The following ACOXL variants were observed in gnomAD, a reference collection of about 807,000 sequenced individuals.
The protein encoded by ACOXL is acyl-CoA oxidase like, also known as acyl-coenzyme A oxidase-like protein.
In ACOXL, 70 loss-of-function variants were observed where a neutral mutation model predicts 71.9. The observed-to-expected ratio is 0.97, with a 90% CI of 0.80 to 1.19. ACOXL has a LOEUF of 1.19. ACOXL is among the 50% of genes most tolerant of loss of function. The pLI is 0.00. For synonymous variants in ACOXL, 253 were observed against 281.6 expected (o/e 0.90, Z 1.02); for missense variants, 703 against 736.3 (o/e 0.95, Z 0.52).
chr2:110,942,607 C>T (rs1189777098), intron 12 of ACOXL, among the ~76,000 whole-genome samples: 1 of 151,960 alleles, frequency 6.6e-6, no homozygotes, highest in Non-Finnish European at 1.5e-5. Flanking sequence ...CTGATGTGGC[C>T]AGGCGCCATG....
At position 110,784,722 on chromosome 2, in the gene ACOXL, A is replaced by G. The variant is rs373206795; in HGVS notation, c.76-10A>G. The G allele has an allele frequency of 1.3e-4, 210 of 1,595,940 alleles. No individual in the cohort carries two copies. Among genetic ancestry groups the G allele is most frequent in the Non-Finnish European group, 1.7e-4 (204 of 1,172,830 alleles). Reference sequence around the variant, plus strand: ...AGGAAACCTTGATACTGAGTCTATCATATTTTCAGGCAGAGAAAACAAAGA... The same window carrying G: ...AGGAAACCTTGATACTGAGTCTATCGTATTTTCAGGCAGAGAAAACAAAGA... On this transcript the variant is annotated splice_polypyrimidine_tract_variant and intron_variant, in intron 2 of 17. Transcript: ENST00000439055.
At chr2:110,839,190 G>A (rs1690833020) in intron 9 of ACOXL, among the ~76,000 whole-genome samples, 2 of 151,622 alleles carry the variant, frequency 1.3e-5, no homozygotes, top group South Asian at 4.2e-4. Context: ...TCCAGCAAGG[G>A]CTTATCTTTC....
chr2:110,867,774 T>G (rs954798325), intron 10 of ACOXL, among the ~76,000 whole-genome samples: 2 of 152,204 alleles, frequency 1.3e-5, no homozygotes, highest in Non-Finnish European at 2.9e-5. Context: ...AAATTGCTTT[T>G]TTTTTTGAGA....
At chr2:110,792,855 A>G (rs1197196043) in intron 3 of ACOXL, among the ~76,000 whole-genome samples, 1 of 152,110 alleles carries the variant, frequency 6.6e-6, no homozygotes, top group African/African-American at 2.4e-5. Context: ...TTGGTGGTTG[A>G]CTCTCACTGA....
intron 10 of ACOXL, among the ~76,000 whole-genome samples, chr2:110,862,374 A>C (rs751091425): frequency 6.6e-6 from 1 of 152,204 alleles, no homozygotes; most frequent in Non-Finnish European, 1.5e-5. Context: ...CCAGCGACTC[A>C]AGGCAGAGGA....
chr2:110,779,787 C>G (rs1027265623), intron 2 of ACOXL, among the ~76,000 whole-genome samples: 1 of 152,226 alleles, frequency 6.6e-6, no homozygotes, highest in Non-Finnish European at 1.5e-5. Flanking sequence ...ATCCCTACCT[C>G]ATGCTACACA....
chr2:111,018,714 G>GGA (rs1553458311), intron 14 of ACOXL, among the ~76,000 whole-genome samples: 1 of 135,006 alleles, frequency 7.4e-6, no homozygotes, highest in Non-Finnish European at 1.5e-5. Context: ...AGGCTGGAGG[G>GGA]GGTGTTGGTG....
intron 1 of ACOXL, among the ~76,000 whole-genome samples, chr2:110,734,835 G>A (rs951772101): frequency 6.6e-6 from 1 of 151,908 alleles, no homozygotes; most frequent in African/African-American, 2.4e-5. Flanking sequence ...AAGGGGTCCA[G>A]TGTGGCAGTT....
At chr2:110,868,202 A>G (rs890318157) in intron 10 of ACOXL, among the ~76,000 whole-genome samples, 2 of 152,246 alleles carry the variant, frequency 1.3e-5, no homozygotes, top group African/African-American at 2.4e-5. Context: ...TCTCAAGTAT[A>G]AATAAAGTGA....
chr2:110,778,721 A>T (rs1056341521), intron 2 of ACOXL, among the ~76,000 whole-genome samples: 1 of 152,230 alleles, frequency 6.6e-6, no homozygotes. Context: ...GTGTTTGGGC[A>T]CATAGGAAGT....
chr2:111,013,919 T>C (rs1051346667), intron 14 of ACOXL, among the ~76,000 whole-genome samples: 4 of 152,322 alleles, frequency 2.6e-5, no homozygotes, highest in Non-Finnish European at 4.4e-5. Flanking sequence ...ATTATAAGAA[T>C]GCGAGGTTGG....
intron 16 of ACOXL, among the ~76,000 whole-genome samples, chr2:111,073,111 C>T (rs1166474616): frequency 6.6e-6 from 1 of 152,062 alleles, no homozygotes; most frequent in African/African-American, 2.4e-5. Flanking sequence ...ATTTGTTTTC[C>T]TACTGTTGAG....
At chr2:111,106,702 G>A (rs1427313113) in intron 17 of ACOXL, among the ~76,000 whole-genome samples, 1 of 152,172 alleles carries the variant, frequency 6.6e-6, no homozygotes, top group Admixed American at 6.5e-5. Context: ...GTGGGGAAAA[G>A]GGGGTGCATC....
intron 2 of ACOXL, among the ~76,000 whole-genome samples, chr2:110,779,649 G>T (rs1016192376): frequency 9.2e-5 from 14 of 152,238 alleles, no homozygotes; most frequent in African/African-American, 3.1e-4. Flanking sequence ...GGAATGGCAG[G>T]TTCTGAAAGA....
chr2:110,962,677 G>A (rs575518916), intron 12 of ACOXL, among the ~76,000 whole-genome samples: 12 of 152,342 alleles, frequency 7.9e-5, no homozygotes, highest in Non-Finnish European at 1.3e-4. Context: ...AGGCATGAAA[G>A]GTACCTGGAG....
chr2:110,790,580 C>T (rs1372790608), intron 3 of ACOXL, among the ~76,000 whole-genome samples: 2 of 152,178 alleles, frequency 1.3e-5, no homozygotes, highest in Non-Finnish European at 2.9e-5. Context: ...TTAGGTATCC[C>T]CCAACCAACT....
intron 17 of ACOXL, among the ~76,000 whole-genome samples, chr2:111,115,893 T>C (rs1574809542): frequency 6.6e-6 from 1 of 152,238 alleles, no homozygotes; most frequent in East Asian, 1.9e-4. Context: ...TTTTCAAGTT[T>C]ATTTTTTTAA....
intron 12 of ACOXL, among the ~76,000 whole-genome samples, chr2:110,976,007 G>C (rs1277637559): frequency 6.6e-6 from 1 of 152,068 alleles, no homozygotes; most frequent in Non-Finnish European, 1.5e-5. Flanking sequence ...TCAAATGAGA[G>C]AAATAGAAGA....
intron 16 of ACOXL, among the ~76,000 whole-genome samples, chr2:111,053,764 A>C (rs887775131): frequency 6.6e-5 from 10 of 152,142 alleles, no homozygotes; most frequent in African/African-American, 1.2e-4. Flanking sequence ...GCTGCCTCCA[A>C]TTTGGGTGGG....
Sources: allele counts gnomAD v4.1 joint callset (sites outside exome capture counted in the v4.1 genomes callset), GRCh38; gene constraint gnomAD v4.1.1; transcripts MANE v1.5; gene names NCBI Gene and HGNC (gene_info 2026-07-23, HGNC 2026-07-21).